Variants in LMO1 observed in about 807,000 individuals in gnomAD.
LMO1 encodes the protein rhombotin-1.
A neutral mutation model predicts 18.0 loss-of-function variants in LMO1; 10 were observed. The ratio of observed to expected loss-of-function variants is 0.55; its 90% CI spans 0.34 to 0.94. The LOEUF is 0.94. LMO1 is among the 40% of genes least tolerant of loss of function. The pLI is 0.02. For missense variants in LMO1, 183 were observed against 205.7 expected, an observed-to-expected ratio of 0.89 and a Z score of 0.68; for synonymous variants, 77 against 77.9, an observed-to-expected ratio of 0.99 and a Z score of 0.06.
chr11:8,238,394 G>T (rs112926503), intron 1 of LMO1, among the ~76,000 whole-genome samples: 3,747 of 152,336 alleles, frequency 0.025, 54 homozygotes, highest in African/African-American at 0.04. Context: ...CTTGGAGGAT[G>T]GGCGCGGTGG....
chr11:8,262,167 A>C (rs1847196742), intron 1 of LMO1, among the ~76,000 whole-genome samples: 1 of 152,270 alleles, frequency 6.6e-6, no homozygotes, highest in East Asian at 1.9e-4. Flanking sequence ...CAGGCCCAGC[A>C]GAGACTCCTG....
intron 1 of LMO1, among the ~76,000 whole-genome samples, chr11:8,249,813 C>T (rs1439033501): frequency 2.0e-5 from 3 of 152,220 alleles, no homozygotes; most frequent in Non-Finnish European, 4.4e-5. Context: ...CTCCAATCCT[C>T]TCCTGACCTC....
rs142337317 is a variant in LMO1 at position 8,245,966 on chromosome 11, T to C, written c.26-15462A>G. ...ATGGTGAGACTGGGAGCAAGGGAGA[T>C]GGGGGAGGTGCCACACTCTTTTAAA... is the stretch of plus-strand genomic sequence containing the variant. On this transcript the variant is annotated intron_variant, in intron 1 of 3. Coordinates refer to ENST00000335790, the MANE Select transcript of LMO1 (RefSeq NM_002315.3). Among the ~76,000 whole-genome samples the C allele has an allele frequency of 4.7e-3, 717 of 152,094 alleles. 8 individuals are homozygous for C. Among genetic ancestry groups the C allele is most frequent in the African/African-American group, 0.016 (684 of 41,496 alleles).
intron 1 of LMO1, among the ~76,000 whole-genome samples, chr11:8,253,087 G>C (rs390294): frequency 1.3e-5 from 2 of 152,124 alleles, no homozygotes; most frequent in Admixed American, 6.5e-5. Flanking sequence ...GGAGTGTTTC[G>C]AGGAGAGGAG....
chr11:8,232,183 G>A (rs1952674891), intron 1 of LMO1, among the ~76,000 whole-genome samples: 1 of 152,118 alleles, frequency 6.6e-6, no homozygotes, highest in Non-Finnish European at 1.5e-5. Flanking sequence ...TCTCCTCCCT[G>A]CAGTCCCGGC....
chr11:8,237,109 C>A (rs955822779), intron 1 of LMO1, among the ~76,000 whole-genome samples: 3 of 151,792 alleles, frequency 2.0e-5, no homozygotes, highest in Non-Finnish European at 4.4e-5. Flanking sequence ...TCAGACATTA[C>A]CCAGAAGTTG....
intron 1 of LMO1, 47 bp downstream of exon 1, chr11:8,263,291 A>T (rs204931): frequency 3.2e-6 from 5 of 1,575,092 alleles, no homozygotes; most frequent in Non-Finnish European, 4.3e-6. Flanking sequence ...GCGCCGCGGC[A>T]GGGGGCGAGG....
At chr11:8,241,312 C>T (rs1846787664) in intron 1 of LMO1, among the ~76,000 whole-genome samples, 1 of 152,272 alleles carries the variant, frequency 6.6e-6, no homozygotes, top group Admixed American at 6.5e-5. Context: ...CCATCACCGT[C>T]TCTCGATGCA....
Position 8,230,506 on chromosome 11 carries a change from T to G in LMO1, c.26-2A>C. The stretch of plus-strand genomic sequence containing the variant: ...GCTGGACGGAGAGCATCGGCACGCC[T>G]GCAGACGGACAGACAGACAGCAACG... On this transcript the variant is annotated splice_acceptor_variant, in intron 1 of 3. Coordinates refer to ENST00000335790, the MANE Select transcript of LMO1 (RefSeq NM_002315.3). LOFTEE classifies it high-confidence loss of function. The G allele has an allele frequency of 6.2e-7, 1 of 1,610,696 alleles. No homozygotes were observed. Among genetic ancestry groups the G allele is most frequent in the Non-Finnish European group, 8.5e-7 (1 of 1,179,806 alleles).
intron 1 of LMO1, among the ~76,000 whole-genome samples, chr11:8,240,845 T>C (rs1292769821): frequency 2.0e-5 from 3 of 152,128 alleles, no homozygotes; most frequent in Non-Finnish European, 4.4e-5. Flanking sequence ...CTGGATGTAA[T>C]TCTGGAGCAT....
At chr11:8,251,993 CGT>C (rs36146184) in intron 1 of LMO1, among the ~76,000 whole-genome samples, 59,405 of 142,096 alleles carry the variant, frequency 0.42, 13,122 homozygotes, top group East Asian at 0.78. Context: ...TGGGGGTGTG[CGT>C]GTGTGTGTGT....
chr11:8,239,842 C>T (rs1312954249), intron 1 of LMO1, among the ~76,000 whole-genome samples: 1 of 152,198 alleles, frequency 6.6e-6, no homozygotes, highest in Non-Finnish European at 1.5e-5. Context: ...CCAGTCTCAC[C>T]CCCAGCACCT....
intron 1 of LMO1, among the ~76,000 whole-genome samples, chr11:8,253,374 C>T: frequency 6.6e-6 from 1 of 152,200 alleles, no homozygotes; most frequent in Admixed American, 6.5e-5. Flanking sequence ...CTCTCAGAAG[C>T]TTTGCCTGTT....
chr11:8,262,581 T>C (rs924397146), intron 1 of LMO1, among the ~76,000 whole-genome samples: 1 of 152,204 alleles, frequency 6.6e-6, no homozygotes, highest in Non-Finnish European at 1.5e-5. Context: ...CCTGCAGTTT[T>C]CTAGGGCGCA....
chr11:8,268,521 C>A (rs1261625094), upstream of LMO1: 3 of 1,256,250 alleles, frequency 2.4e-6, no homozygotes, highest in African/African-American at 4.7e-5. Context: ...CGCCGCCGGC[C>A]GCCTGCGCTG....
At chr11:8,262,817 G>A (rs1344572641) in intron 1 of LMO1, among the ~76,000 whole-genome samples, 2 of 152,138 alleles carry the variant, frequency 1.3e-5, no homozygotes, top group African/African-American at 2.4e-5. Context: ...CTCGCCTGCC[G>A]GGCACCCTGG....
intron 1 of LMO1, among the ~76,000 whole-genome samples, chr11:8,235,577 G>A (rs1197074292): frequency 6.6e-6 from 1 of 152,116 alleles, no homozygotes; most frequent in Non-Finnish European, 1.5e-5. Flanking sequence ...GAAAAATCCT[G>A]GGCCCTGCAT....
Position 8,263,472 on chromosome 11 carries a change from T to C in LMO1, c.-110A>G. The C allele has an allele frequency of 6.5e-7, 1 of 1,535,136 alleles. No homozygotes were observed. On this transcript the variant is annotated 5_prime_UTR_variant, in exon 1 of 4. Coordinates refer to ENST00000335790, the MANE Select transcript of LMO1 (RefSeq NM_002315.3). The stretch of plus-strand genomic sequence containing the variant: ...CTTCGGGCAGCTAGCGGGCTCTAAT[T>C]ACCCGCTTGTCCGGCTCTTAACCTA...
intron 2 of LMO1, 117 bp from the exon 3 acceptor site, chr11:8,227,217 G>A: frequency 1.3e-6 from 2 of 1,496,334 alleles, no homozygotes; most frequent in South Asian, 1.3e-5. Flanking sequence ...GGCTCAGCAG[G>A]TGGGCTCAGG....
Sources: gnomAD v4.1 joint callset for allele counts (sites outside exome capture counted in the v4.1 genomes callset) on GRCh38, gnomAD v4.1.1 for gene constraint, MANE v1.5 for transcripts, NCBI Gene and HGNC (gene_info 2026-07-23, HGNC 2026-07-21) for gene names.